The following EPB41 variants were observed in gnomAD, a reference collection of about 807,000 sequenced individuals.
EPB41 encodes the protein protein 4.1.
In EPB41, 65 loss-of-function variants were observed where a neutral mutation model predicts 108.0. The ratio of observed to expected loss-of-function variants is 0.60; its 90% CI spans 0.49 to 0.74. The LOEUF (loss-of-function observed/expected upper bound fraction) is 0.74, where lower values mean the gene tolerates loss of function less well. EPB41 is among the 30% of genes least tolerant of loss of function. The probability of loss-of-function intolerance (pLI) is 0.00; values close to 1 mark genes in which losing one functional copy is unlikely to be tolerated. For missense variants in EPB41, 875 were observed against 1,037.0 expected (o/e 0.84, Z 2.15); for synonymous variants, 336 against 358.9 (o/e 0.94, Z 0.72).
chr1:29,094,432 A>G (rs1027210742), intron 16 of EPB41, among the ~76,000 whole-genome samples: 1 of 152,140 alleles, frequency 6.6e-6, no homozygotes, highest in African/African-American at 2.4e-5. Flanking sequence ...ACATGCCACC[A>G]TGCCCAGCTA....
intron 1 of EPB41, among the ~76,000 whole-genome samples, chr1:28,960,780 C>T (rs1358129562): frequency 6.6e-6 from 1 of 151,562 alleles, no homozygotes; most frequent in Non-Finnish European, 1.5e-5. Flanking sequence ...CGCCTGTAAT[C>T]CTAACACTTT....
chr1:28,989,900 G>A (rs903339885), intron 2 of EPB41, among the ~76,000 whole-genome samples: 1 of 152,174 alleles, frequency 6.6e-6, no homozygotes, highest in African/African-American at 2.4e-5. Flanking sequence ...AACACAAACA[G>A]TAAAGGCAAA....
intron 1 of EPB41, among the ~76,000 whole-genome samples, chr1:28,927,278 A>G (rs1238245137): frequency 1.3e-5 from 2 of 152,212 alleles, no homozygotes; most frequent in African/African-American, 4.8e-5. Flanking sequence ...TTTTGCTTTT[A>G]TACATTTTGG....
At chr1:28,970,917 G>A (rs962091248) in intron 1 of EPB41, among the ~76,000 whole-genome samples, 9 of 151,962 alleles carry the variant, frequency 5.9e-5, no homozygotes, top group Non-Finnish European at 1.3e-4. Context: ...GTGCGATCTC[G>A]GCTCACTGCA....
At chr1:29,050,354 A>G (rs1266282280) in intron 11 of EPB41, among the ~76,000 whole-genome samples, 1 of 152,280 alleles carries the variant, frequency 6.6e-6, no homozygotes, top group Non-Finnish European at 1.5e-5. Flanking sequence ...CAGTATTAGT[A>G]CTGGATTGAA....
At chr1:28,910,567 C>T (rs1226798378), upstream of EPB41, among the ~76,000 whole-genome samples, 1 of 152,076 alleles carries the variant, frequency 6.6e-6, no homozygotes, top group Non-Finnish European at 1.5e-5. Flanking sequence ...CGCCCCTCCC[C>T]GCTTTCTTCC....
At chr1:28,953,751 T>G (rs904739123) in intron 1 of EPB41, among the ~76,000 whole-genome samples, 1 of 152,210 alleles carries the variant, frequency 6.6e-6, no homozygotes, top group Non-Finnish European at 1.5e-5. Context: ...TTAGATCTCA[T>G]TTTCATCTTA....
chr1:29,079,416 CTT>C (rs796774702), intron 16 of EPB41, among the ~76,000 whole-genome samples: 6 of 143,756 alleles, frequency 4.2e-5, no homozygotes, highest in African/African-American at 1.5e-4. Flanking sequence ...TAATTATTAC[CTT>C]TTTTTTTTTT....
rs143744579 is a variant in EPB41 at position 28,892,437 on chromosome 1, C to T, written c.-8+5227C>T. ...TAAATGAGGCATAGACAAGTAAAAA[C>T]GAGGCCAGGCGTGGTGGCTCAAGCC... On this transcript the variant is annotated intron_variant, in intron 1 of 16. Coordinates refer to the EPB41 transcript ENST00000347529. Among the ~76,000 whole-genome samples, 253 of 152,160 alleles carry T rather than the reference C, an allele frequency of 1.7e-3. 2 individuals carry two copies. Among genetic ancestry groups the T allele is most frequent in the African/African-American group, 5.3e-3 (221 of 41,512 alleles).
intron 5 of EPB41, 150 bp from the exon 6 acceptor site, chr1:29,015,542 C>A (rs1247162046): frequency 8.2e-6 from 5 of 609,550 alleles, no homozygotes; most frequent in Admixed American, 2.9e-5. Context: ...CTACGGCACT[C>A]CAGCCTGGGC....
chr1:29,017,316 T>C (rs753779434), intron 6 of EPB41, among the ~76,000 whole-genome samples: 15 of 152,246 alleles, frequency 9.9e-5, no homozygotes, highest in African/African-American at 2.9e-4. Flanking sequence ...AGCAAAGATA[T>C]GATTCTAATT....
intron 1 of EPB41, among the ~76,000 whole-genome samples, chr1:28,979,563 T>C (rs1240810310): frequency 1.3e-5 from 2 of 151,504 alleles, no homozygotes; most frequent in Non-Finnish European, 2.9e-5. Flanking sequence ...TCCTCCACTG[T>C]TGCAAAACAT....
rs571401931 is a variant in EPB41, at chr1:28,938,417, CTTTG to C, written c.-8+23656_-8+23659del. ...GTTTTCAATGCAAATCTTGTATGTA[CTTTG>C]TTTGTTAAATTTATTCCCAAGTATT... is the stretch of plus-strand genomic sequence containing the variant. On this transcript the variant is annotated intron_variant, in intron 1 of 20. Coordinates refer to ENST00000343067, the MANE Select transcript of EPB41 (RefSeq NM_001376013.1). 4.9e-4 allele frequency among the ~76,000 whole-genome samples: 75 copies of C among 151,686 alleles called. 1 individual carries two copies. Among genetic ancestry groups the C allele is most frequent in the African/African-American group, 1.2e-3 (50 of 41,336 alleles).
At chr1:28,943,511 G>A (rs377187331) in intron 1 of EPB41, among the ~76,000 whole-genome samples, 2 of 152,026 alleles carry the variant, frequency 1.3e-5, no homozygotes, top group Admixed American at 6.6e-5. Flanking sequence ...AAAATTAGCC[G>A]GGTGTGGTGG....
At chr1:28,904,053 G>A (rs2091553030) in intron 1 of EPB41, among the ~76,000 whole-genome samples, 1 of 151,912 alleles carries the variant, frequency 6.6e-6, no homozygotes, top group East Asian at 1.9e-4. Context: ...TTTCAGTAGA[G>A]ACAGGGTTTC....
chr1:28,982,849 ATGAAG>A (rs2095790156), intron 1 of EPB41, among the ~76,000 whole-genome samples: 1 of 152,230 alleles, frequency 6.6e-6, no homozygotes, highest in African/African-American at 2.4e-5. Flanking sequence ...AAAGTAGCCT[ATGAAG>A]TGTTCTGTTA....
intron 15 of EPB41, among the ~76,000 whole-genome samples, chr1:29,062,488 T>C (rs1410025008): frequency 6.6e-6 from 1 of 152,192 alleles, no homozygotes; most frequent in Non-Finnish European, 1.5e-5. Flanking sequence ...TTTGAGAACA[T>C]TTTATATTTA....
intron 7 of EPB41, among the ~76,000 whole-genome samples, chr1:29,025,527 C>T (rs776940143): frequency 4.6e-5 from 7 of 151,764 alleles, no homozygotes; most frequent in Admixed American, 1.3e-4. Context: ...TTTGTTATGA[C>T]GCTCAAAGGT....
At chr1:28,952,200 A>G (rs28554100) in intron 1 of EPB41, among the ~76,000 whole-genome samples, 6 of 151,684 alleles carry the variant, frequency 4.0e-5, no homozygotes, top group African/African-American at 1.5e-4. Context: ...TGGAGTGAGG[A>G]GATACTTTTT....
Sources: gnomAD v4.1 joint callset for allele counts (sites outside exome capture counted in the v4.1 genomes callset) on GRCh38, gnomAD v4.1.1 for gene constraint, MANE v1.5 for transcripts, NCBI Gene and HGNC (gene_info 2026-07-23, HGNC 2026-07-21) for gene names.